The following POLR1A variants were observed in gnomAD, a reference collection of about 807,000 sequenced individuals.
POLR1A encodes RNA polymerase I subunit A, also known as DNA-directed RNA polymerase I subunit RPA1.
A neutral mutation model predicts 205.3 loss-of-function variants in POLR1A; 84 were observed. That is an observed-to-expected ratio of 0.41 (90% CI 0.34 to 0.49). The LOEUF (loss-of-function observed/expected upper bound fraction) is 0.49, where lower values mean the gene tolerates loss of function less well. Among genes scored for constraint, POLR1A ranks in the 20% least tolerant of loss-of-function variants. The pLI, the probability that POLR1A is intolerant of heterozygous loss-of-function variation, is 0.22. For synonymous variants in POLR1A, 799 were observed against 863.7 expected (o/e 0.93, Z 1.31); for missense variants, 1,645 against 2,204.5 (o/e 0.75, Z 5.08).
At chr2:86,099,728 G>A (rs1179185881) in intron 2 of POLR1A, among the ~76,000 whole-genome samples, 2 of 152,074 alleles carry the variant, frequency 1.3e-5, no homozygotes, top group African/African-American at 2.4e-5. Flanking sequence ...GACCCTCCAC[G>A]CAAACGGAAT....
chr2:86,075,072 C>A lies in POLR1A; in HGVS notation c.1569G>T (p.Leu523=). 6.2e-7 allele frequency: 1 copy of A among 1,612,094 alleles called. No individual in the cohort carries two copies. The highest frequency in any genetic ancestry group is 1.1e-5 in the South Asian group (1 of 90,824). Residue 523 remains leucine, a synonymous_variant, in exon 12 of 34, where the codon CTG becomes CTT. Coordinates refer to ENST00000263857, the MANE Select transcript of POLR1A (RefSeq NM_015425.6). ...TQREAVAKQL[L]TPATGAPKPQ... ...GCTTAGGTGCCCCCGTGGCTGGGGT[C>A]AGAAGCTGCTTGGCCACGGCCTCTC...
chr2:86,037,304 C>A (rs1672517867), intron 27 of POLR1A, among the ~76,000 whole-genome samples: 1 of 152,258 alleles, frequency 6.6e-6, no homozygotes, highest in Non-Finnish European at 1.5e-5. Context: ...CAACTTCACC[C>A]AGGGCTCGTG....
chr2:86,093,553 A>G (rs1673646954), intron 3 of POLR1A, among the ~76,000 whole-genome samples: 1 of 152,118 alleles, frequency 6.6e-6, no homozygotes, highest in South Asian at 2.1e-4. Flanking sequence ...ACAGGCTGGG[A>G]GTGATGGCTC....
In POLR1A at chr2:86,037,349, G is replaced by A. The variant is rs118125930; in HGVS notation, c.4034+1351C>T. 2.4e-3 allele frequency among the ~76,000 whole-genome samples: 363 copies of A among 152,314 alleles called. 5 individuals are homozygous for A. The East Asian group carries it at 0.047, about 20-fold the overall frequency. On this transcript the variant is annotated intron_variant, in intron 27 of 33. Coordinates refer to ENST00000263857, the MANE Select transcript of POLR1A (RefSeq NM_015425.6). ...AGGAAGCACCTGGCCAGTGACCCCC[G>A]TCCAAAGGACTGAGTTCACATCCAA...
At chr2:86,041,229 T>C (rs113786230) in intron 24 of POLR1A, among the ~76,000 whole-genome samples, 30 of 129,490 alleles carry the variant, frequency 2.3e-4, no homozygotes, top group Middle Eastern at 4.0e-3. Flanking sequence ...TGTGTGTGTG[T>C]GCTGAGCTAC....
chr2:86,093,348 C>A (rs1263197862), intron 3 of POLR1A, among the ~76,000 whole-genome samples: 2 of 152,156 alleles, frequency 1.3e-5, no homozygotes, highest in East Asian at 3.9e-4. Flanking sequence ...TTTCTTGAAC[C>A]ATTTGACAGT....
chr2:86,040,813 C>A (rs1364605556), intron 24 of POLR1A, among the ~76,000 whole-genome samples: 1 of 152,112 alleles, frequency 6.6e-6, no homozygotes, highest in African/African-American at 2.4e-5. Flanking sequence ...CTCATGTTTG[C>A]CCCCAGAATG....
chr2:86,100,077 G>A lies in POLR1A; in HGVS notation c.173C>T (p.Ala58Val), dbSNP rs1435632859. ...NGLYDLALGP[A>V]DSKEVCSTCV... ...GGTGGAGCACACCTCTTTGGAATCTGCAGGGCCCAAAGCTAAATCGTACAG... is the reference window on the plus strand; with the variant it reads ...GGTGGAGCACACCTCTTTGGAATCTACAGGGCCCAAAGCTAAATCGTACAG... The change falls in exon 2 of 34, where the codon GCA (alanine) becomes GTA (valine). Residue 58 changes from alanine (A) to valine (V), a missense_variant. Coordinates refer to ENST00000263857, the MANE Select transcript of POLR1A (RefSeq NM_015425.6). The A allele has an allele frequency of 8.1e-6, 13 of 1,614,046 alleles. No homozygotes were observed. The highest frequency in any genetic ancestry group is 1.1e-5 in the Non-Finnish European group (13 of 1,180,004).
chr2:86,056,436 A>C (rs1672898739), intron 14 of POLR1A, among the ~76,000 whole-genome samples: 1 of 151,740 alleles, frequency 6.6e-6, no homozygotes, highest in Non-Finnish European at 1.5e-5. Flanking sequence ...TGGGTGACAG[A>C]GCGATACTCC....
At chr2:86,064,176 A>G (rs1353422397) in intron 14 of POLR1A, among the ~76,000 whole-genome samples, 2 of 151,942 alleles carry the variant, frequency 1.3e-5, no homozygotes, top group African/African-American at 4.8e-5. Context: ...TTTTTTTGCC[A>G]ACAGGTGAAA....
intron 21 of POLR1A, 99 bp downstream of exon 21, chr2:86,045,179 A>C (rs935496521): frequency 1.2e-6 from 1 of 819,304 alleles, no homozygotes; most frequent in Non-Finnish European, 2.0e-6. Context: ...AAGTTTTTTC[A>C]TCCAAGGAAT....
intron 27 of POLR1A, among the ~76,000 whole-genome samples, chr2:86,038,057 C>G (rs996725843): frequency 5.3e-5 from 8 of 152,204 alleles, no homozygotes; most frequent in Non-Finnish European, 7.3e-5. Context: ...CAGTCTTGCC[C>G]CAGTCCCCAA....
rs1007629581 is a variant in POLR1A, at chr2:86,104,384, CA to C, written c.77+1315del. 3.6e-4 allele frequency among the ~76,000 whole-genome samples: 55 copies of C among 151,410 alleles called. No homozygotes were observed. The Middle Eastern group carries it at 0.01, about 29-fold the overall frequency. Reference sequence around the variant, plus strand: ...TTTCCAGTTTCTAGTGACTATTTTGCACTACGTACACCATTTTGGAGGGGTA... The same window carrying C: ...TTTCCAGTTTCTAGTGACTATTTTGCCTACGTACACCATTTTGGAGGGGTA... On this transcript the variant is annotated intron_variant, in intron 1 of 33. Coordinates refer to ENST00000263857, the MANE Select transcript of POLR1A (RefSeq NM_015425.6).
intron 9 of POLR1A, among the ~76,000 whole-genome samples, chr2:86,080,159 C>A (rs1478187459): frequency 6.6e-6 from 1 of 152,068 alleles, no homozygotes; most frequent in Non-Finnish European, 1.5e-5. Flanking sequence ...CCCAAGGCTG[C>A]CTATTTGCAT....
At position 86,049,004 on chromosome 2, in the gene POLR1A, T is replaced by C. The variant is rs756139592; in HGVS notation, c.2514A>G (p.Ser838=). ...GCCATTTTCCTCGGACCTCATCATATGATGCGGCTTCTGGCAGGTTTAATG... is the reference window on the plus strand; with the variant it reads ...GCCATTTTCCTCGGACCTCATCATACGATGCGGCTTCTGGCAGGTTTAATG... The part of the protein sequence containing the change: ...RAALNLPEAA[S]YDEVRGKWQD... Residue 838 remains serine (S), a synonymous_variant, in exon 18 of 34, where the codon TCA becomes TCG. Coordinates refer to ENST00000263857, the MANE Select transcript of POLR1A (RefSeq NM_015425.6). The C allele has an allele frequency of 4.3e-6, 7 of 1,614,132 alleles. No individual in the cohort carries two copies. The highest frequency in any genetic ancestry group is 2.2e-5 in the South Asian group (2 of 91,096).
chr2:86,067,906 C>T (rs1412289753), intron 13 of POLR1A, among the ~76,000 whole-genome samples: 1 of 152,206 alleles, frequency 6.6e-6, no homozygotes, highest in Admixed American at 6.5e-5. Flanking sequence ...TACAGTGAAT[C>T]TTCAAGCCAT....
At chr2:86,057,917 T>C (rs1672925022) in intron 14 of POLR1A, among the ~76,000 whole-genome samples, 1 of 152,018 alleles carries the variant, frequency 6.6e-6, no homozygotes, top group African/African-American at 2.4e-5. Flanking sequence ...AAAAACCTAC[T>C]TATACACTTT....
intron 11 of POLR1A, 95 bp from the exon 12 acceptor site, chr2:86,075,355 A>G (rs890278877): frequency 1.1e-6 from 1 of 876,128 alleles, no homozygotes; most frequent in Non-Finnish European, 1.8e-6. Context: ...TTTTCACCCA[A>G]GATGTGGAGG....
intron 25 of POLR1A, among the ~76,000 whole-genome samples, 177 bp from the exon 26 acceptor site, chr2:86,039,639 G>T (rs1672562974): frequency 6.6e-6 from 1 of 152,184 alleles, no homozygotes; most frequent in Non-Finnish European, 1.5e-5. Flanking sequence ...AACAGTAAGG[G>T]ACTCCCCTGT....
Sources: allele counts gnomAD v4.1 joint callset (sites outside exome capture counted in the v4.1 genomes callset), GRCh38; gene constraint gnomAD v4.1.1; transcripts MANE v1.5; gene names NCBI Gene and HGNC (gene_info 2026-07-23, HGNC 2026-07-21).